The following COG6 variants were observed in gnomAD, a reference collection of about 807,000 sequenced individuals.
COG6 encodes component of oligomeric golgi complex 6, also known as conserved oligomeric Golgi complex subunit 6.
COG6 carries 74 observed loss-of-function variants against 88.8 expected under a neutral mutation model. The ratio of observed to expected loss-of-function variants is 0.83; its 90% CI spans 0.69 to 1.01. COG6 has a LOEUF of 1.01. Among genes scored for constraint, COG6 ranks in the 50% least tolerant of loss-of-function variants. The probability of loss-of-function intolerance (pLI) is 0.00; values close to 1 mark genes in which losing one functional copy is unlikely to be tolerated. For missense variants in COG6, 800 were observed against 797.9 expected, an observed-to-expected ratio of 1.00 and a Z score of -0.03; for synonymous variants, 286 against 278.7, an observed-to-expected ratio of 1.03 and a Z score of -0.26.
chr13:39,751,122 A>G lies in COG6; in HGVS notation c.*29A>G, dbSNP rs1356739417. 1 of 1,612,534 alleles carries G rather than the reference A, an allele frequency of 6.2e-7. No homozygotes were observed. Among genetic ancestry groups the G allele is most frequent in the Non-Finnish European group, 8.5e-7 (1 of 1,179,096 alleles). ...TCTTATTTCATTGTGTTAGCAAAAT[A>G]TGACCTCCCTAAAACACTGAAGGTT... On this transcript the variant is annotated 3_prime_UTR_variant, in exon 19 of 19. Coordinates refer to ENST00000455146, the MANE Select transcript of COG6 (RefSeq NM_020751.3).
At chr13:39,730,654 T>C (rs113433444) in intron 18 of COG6, among the ~76,000 whole-genome samples, 1 of 149,480 alleles carries the variant, frequency 6.7e-6, no homozygotes, top group Non-Finnish European at 1.5e-5. Context: ...TGTGCCTGTA[T>C]TCCCAGCTAC....
intron 18 of COG6, among the ~76,000 whole-genome samples, chr13:39,787,673 G>T (rs1881817131): frequency 6.6e-6 from 1 of 152,042 alleles, no homozygotes; most frequent in African/African-American, 2.4e-5. Flanking sequence ...TTCTCTATTT[G>T]TGCAGGTTCT....
At chr13:39,755,261 G>C (rs183757003), downstream of COG6, among the ~76,000 whole-genome samples, 1 of 152,084 alleles carries the variant, frequency 6.6e-6, no homozygotes, top group Non-Finnish European at 1.5e-5. Flanking sequence ...TCCATACCTT[G>C]CTCCCTAGTT....
At chr13:39,696,802 G>A (rs1258623388) in intron 12 of COG6, among the ~76,000 whole-genome samples, 2 of 151,406 alleles carry the variant, frequency 1.3e-5, no homozygotes, top group African/African-American at 2.4e-5. Context: ...ATCATGTAGT[G>A]TAGTGAGACA....
intron 18 of COG6, among the ~76,000 whole-genome samples, chr13:39,739,733 A>G (rs1249904300): frequency 6.6e-6 from 1 of 152,150 alleles, no homozygotes; most frequent in East Asian, 1.9e-4. Flanking sequence ...TTACAGTTCA[A>G]AACAATATAT....
chr13:39,694,689 T>C lies in COG6; in HGVS notation c.1130T>C (p.Ile377Thr). The C allele has an allele frequency of 6.3e-7, 1 of 1,599,094 alleles. No individual in the cohort carries two copies. The highest frequency in any genetic ancestry group is 8.6e-7 in the Non-Finnish European group (1 of 1,168,908). The change falls in exon 12 of 19, where the codon ATT becomes ACT. Residue 377 changes from isoleucine to threonine, a missense_variant. Transcript: ENST00000455146. ...AEPGAVLLYK[I>T]SNLLKFYHHT... ...CCTGGGGCAGTTTTATTATATAAAA[T>C]TTCTAATCTCCTCAAATTTTATCAC...
At chr13:39,727,921 CTA>C (rs1457712678) in intron 18 of COG6, among the ~76,000 whole-genome samples, 4 of 152,012 alleles carry the variant, frequency 2.6e-5, no homozygotes, top group African/African-American at 4.8e-5. Context: ...GATTTATAGA[CTA>C]TTTTGAATCT....
At chr13:39,660,766 C>G in intron 2 of COG6, 44 bp from the exon 3 acceptor site, 1 of 1,213,606 alleles carries the variant, frequency 8.2e-7, no homozygotes, top group South Asian at 1.2e-5. Flanking sequence ...GAATCTTCTT[C>G]TTGCTGTATA....
intron 18 of COG6, among the ~76,000 whole-genome samples, chr13:39,772,802 C>T (rs542209967): frequency 6.6e-6 from 1 of 152,330 alleles, no homozygotes; most frequent in South Asian, 2.1e-4. Flanking sequence ...CTCCTGCCCC[C>T]ATTGAGGAAC....
intron 12 of COG6, among the ~76,000 whole-genome samples, chr13:39,698,642 T>C (rs1329875543): frequency 6.6e-6 from 1 of 151,938 alleles, no homozygotes; most frequent in Non-Finnish European, 1.5e-5. Flanking sequence ...GCTTACTGTT[T>C]AGTAGTATTT....
chr13:39,714,208 G>A (rs1379401179), intron 13 of COG6, among the ~76,000 whole-genome samples: 1 of 129,662 alleles, frequency 7.7e-6, no homozygotes, highest in East Asian at 2.3e-4. Context: ...AAAATCTCTT[G>A]TGTTAATTTT....
intron 18 of COG6, among the ~76,000 whole-genome samples, chr13:39,745,416 G>A (rs1226225327): frequency 6.6e-6 from 1 of 152,082 alleles, no homozygotes; most frequent in Non-Finnish European, 1.5e-5. Context: ...ATCAAAAAGT[G>A]GGCAAAGGAT....
intron 18 of COG6, among the ~76,000 whole-genome samples, chr13:39,747,182 C>T (rs890983430): frequency 1.3e-5 from 2 of 152,274 alleles, no homozygotes; most frequent in East Asian, 3.9e-4. Context: ...TTTATCTGTA[C>T]TGTACCATAT....
chr13:39,762,451 T>C (rs977073229), intron 18 of COG6, among the ~76,000 whole-genome samples: 5 of 151,872 alleles, frequency 3.3e-5, no homozygotes, highest in African/African-American at 9.7e-5. Flanking sequence ...TAGTGTTCTA[T>C]AGCACTGTAG....
At chr13:39,720,919 A>G (rs925495486) in intron 15 of COG6, among the ~76,000 whole-genome samples, 1 of 151,958 alleles carries the variant, frequency 6.6e-6, no homozygotes, top group Non-Finnish European at 1.5e-5. Context: ...GAGTTTTCCC[A>G]TCCTCCCAAT....
chr13:39,678,212 C>T (rs2137984189), intron 5 of COG6: 14 of 336,624 alleles, frequency 4.2e-5, no homozygotes, highest in South Asian at 3.2e-4. Flanking sequence ...GGTATCCAGG[C>T]ATGCACCACC....
chr13:39,763,080 A>T (rs998237870), intron 18 of COG6, among the ~76,000 whole-genome samples: 6 of 151,770 alleles, frequency 4.0e-5, no homozygotes, highest in African/African-American at 1.4e-4. Context: ...GTGATGAATT[A>T]TATTTATAAT....
chr13:39,791,276 A>G (rs771741218), exon 19 of COG6: 24 of 152,054 alleles, frequency 1.6e-4, no homozygotes, highest in Non-Finnish European at 2.9e-4. Context: ...AATGGGTATT[A>G]TTATATTGTA....
chr13:39,788,298 A>G, intron 18 of COG6: 1 of 1,551,022 alleles, frequency 6.4e-7, no homozygotes, highest in East Asian at 2.4e-5. Flanking sequence ...CTGCACCATC[A>G]GCAACATTGT....
Sources: gnomAD v4.1 joint callset for allele counts (sites outside exome capture counted in the v4.1 genomes callset) on GRCh38, gnomAD v4.1.1 for gene constraint, MANE v1.5 for transcripts, NCBI Gene and HGNC (gene_info 2026-07-23, HGNC 2026-07-21) for gene names.